The following FOXO1 variants were observed in gnomAD, a reference collection of about 807,000 sequenced individuals.
FOXO1 encodes forkhead box protein O1.
A neutral mutation model predicts 44.1 loss-of-function variants in FOXO1; 6 were observed. The ratio of observed to expected loss-of-function variants is 0.14; its 90% CI spans 0.07 to 0.27. The LOEUF is 0.27. FOXO1 is among the 10% of genes least tolerant of loss of function. The pLI, the probability that FOXO1 is intolerant of heterozygous loss-of-function variation, is 1.00. For synonymous variants in FOXO1, 380 were observed against 362.7 expected, an observed-to-expected ratio of 1.05 and a Z score of -0.54; for missense variants, 737 against 888.8, an observed-to-expected ratio of 0.83 and a Z score of 2.17.
At chr13:40,664,688 C>T (rs945272616) in intron 1 of FOXO1, among the ~76,000 whole-genome samples, 1 of 152,202 alleles carries the variant, frequency 6.6e-6, no homozygotes, top group Admixed American at 6.5e-5. Flanking sequence ...AAGCCTCCTA[C>T]CAGGGGCAAG....
chr13:40,561,640 A>T (rs903183334), intron 1 of FOXO1, among the ~76,000 whole-genome samples: 39 of 151,906 alleles, frequency 2.6e-4, no homozygotes, highest in African/African-American at 7.7e-4. Flanking sequence ...ATACTTACAG[A>T]AACAAAAAAG....
In FOXO1 at chr13:40,558,342, C is replaced by A. The variant is rs1188398684; in HGVS notation, c.*707G>T. On this transcript the variant is annotated 3_prime_UTR_variant, in exon 3 of 3. Transcript: ENST00000379561. ...AATTAGAACCATTTAAATGTTTGTA[C>A]AAATTTGCAAATAACAAAATAAACA... 1 of 152,400 alleles carries A rather than the reference C, an allele frequency of 6.6e-6. No individual in the cohort carries two copies. The highest frequency in any genetic ancestry group is 1.5e-5 in the Non-Finnish European group (1 of 68,058). The allele number at this position is 152,400 out of a possible 1,614,324, so 9.4% of individuals were successfully genotyped here.
rs1873908752 is a variant in FOXO1 at position 40,559,814 on chromosome 13, C to T, written c.1677G>A (p.Lys559=). The stretch of plus-strand genomic sequence containing the variant: ...GGGGCAGAGGCACTTGTACAGGTGT[C>T]TTCACTTGGGTCAGGCGGTTCATAC... The part of the protein sequence containing the change: ...TSGMNRLTQV[K]TPVQVPLPHP... The change falls in exon 2 of 3, where the codon AAG becomes AAA. Residue 559 remains lysine (K), a synonymous_variant. Coordinates refer to ENST00000379561, the MANE Select transcript of FOXO1 (RefSeq NM_002015.4). 6.2e-7 allele frequency: 1 copy of T among 1,613,948 alleles called. No individual in the cohort carries two copies. Among genetic ancestry groups the T allele is most frequent in the African/African-American group, 1.3e-5 (1 of 74,932 alleles).
chr13:40,575,817 C>G (rs1874721775), intron 1 of FOXO1, among the ~76,000 whole-genome samples: 2 of 152,170 alleles, frequency 1.3e-5, no homozygotes, highest in Admixed American at 6.5e-5. Context: ...AGGTGCAGCA[C>G]ACGCAAAACA....
At chr13:40,572,060 G>A (rs1874540147) in intron 1 of FOXO1, among the ~76,000 whole-genome samples, 1 of 152,150 alleles carries the variant, frequency 6.6e-6, no homozygotes, top group Non-Finnish European at 1.5e-5. Flanking sequence ...TGTTAATCCT[G>A]TTCATGCTAG....
At chr13:40,640,207 C>T (rs1271630892) in intron 1 of FOXO1, among the ~76,000 whole-genome samples, 1 of 152,224 alleles carries the variant, frequency 6.6e-6, no homozygotes. Context: ...CCACACACTT[C>T]ATGCAAGCAT....
At chr13:40,581,579 AAC>A (rs896701535) in intron 1 of FOXO1, among the ~76,000 whole-genome samples, 3 of 152,248 alleles carry the variant, frequency 2.0e-5, no homozygotes, top group African/African-American at 4.8e-5. Context: ...TATTCAAAAT[AAC>A]ACAGAATTCA....
chr13:40,610,719 A>G (rs980136007), intron 1 of FOXO1, among the ~76,000 whole-genome samples: 1 of 152,264 alleles, frequency 6.6e-6, no homozygotes, highest in African/African-American at 2.4e-5. Flanking sequence ...TTTTAAAAAG[A>G]AAAAGCATGT....
intron 1 of FOXO1, among the ~76,000 whole-genome samples, chr13:40,643,214 C>T (rs7334136): frequency 0.097 from 14,788 of 151,898 alleles, 918 homozygotes; most frequent in East Asian, 0.24. Context: ...TGATGGCAGG[C>T]ACCTGTAATC....
At chr13:40,640,390 T>A (rs1468706853) in intron 1 of FOXO1, among the ~76,000 whole-genome samples, 3 of 152,258 alleles carry the variant, frequency 2.0e-5, no homozygotes, top group South Asian at 2.1e-4. Context: ...TACACTACAC[T>A]CTCTCTCTCT....
chr13:40,618,809 A>C, intron 1 of FOXO1: 1 of 525,256 alleles, frequency 1.9e-6, no homozygotes, highest in Non-Finnish European at 3.8e-6. Flanking sequence ...ATCATTTGTG[A>C]AAATGGGAGA....
intron 1 of FOXO1, among the ~76,000 whole-genome samples, chr13:40,576,040 G>C (rs140356839): frequency 6.6e-6 from 1 of 152,200 alleles, no homozygotes; most frequent in Non-Finnish European, 1.5e-5. Flanking sequence ...AATGGCTTGC[G>C]ATCTTTGGGC....
intron 1 of FOXO1, among the ~76,000 whole-genome samples, chr13:40,621,612 A>T (rs1876621221): frequency 6.6e-6 from 1 of 152,202 alleles, no homozygotes; most frequent in Non-Finnish European, 1.5e-5. Flanking sequence ...TTATTTTGGT[A>T]ATTTTCTCAT....
chr13:40,644,243 T>G (rs759346606), intron 1 of FOXO1, among the ~76,000 whole-genome samples: 9 of 152,164 alleles, frequency 5.9e-5, no homozygotes, highest in Non-Finnish European at 1.3e-4. Context: ...AAATTACAGG[T>G]GGGAAAACTG....
intron 1 of FOXO1, among the ~76,000 whole-genome samples, chr13:40,611,452 T>A (rs148293690): frequency 6.6e-6 from 1 of 152,366 alleles, no homozygotes; most frequent in East Asian, 1.9e-4. Flanking sequence ...CAGTGTGTAA[T>A]ACAAATTTGA....
At chr13:40,651,117 T>G (rs562032517) in intron 1 of FOXO1, among the ~76,000 whole-genome samples, 1 of 151,980 alleles carries the variant, frequency 6.6e-6, no homozygotes, top group South Asian at 2.1e-4. Context: ...TTTTGTTTTT[T>G]TTTAAGAAAC....
intron 1 of FOXO1, among the ~76,000 whole-genome samples, chr13:40,606,768 G>T (rs993703966): frequency 3.3e-5 from 5 of 152,048 alleles, no homozygotes; most frequent in African/African-American, 1.2e-4. Flanking sequence ...ATGCCCCTCT[G>T]CTGTCCCTCC....
At chr13:40,580,755 C>T (rs536029393) in intron 1 of FOXO1, among the ~76,000 whole-genome samples, 1 of 152,272 alleles carries the variant, frequency 6.6e-6, no homozygotes, top group Admixed American at 6.5e-5. Flanking sequence ...CACTTGTCCT[C>T]AATGTTTACG....
intron 1 of FOXO1, among the ~76,000 whole-genome samples, chr13:40,650,224 G>T (rs915727232): frequency 6.6e-6 from 1 of 152,210 alleles, no homozygotes; most frequent in Admixed American, 6.5e-5. Context: ...GAGTGTGGCA[G>T]TGAGAACAAC....
Sources: gnomAD v4.1 joint callset for allele counts (sites outside exome capture counted in the v4.1 genomes callset) on GRCh38, gnomAD v4.1.1 for gene constraint, MANE v1.5 for transcripts, NCBI Gene and HGNC (gene_info 2026-07-23, HGNC 2026-07-21) for gene names.